NRG1: variants seen among roughly 807,000 people sequenced by gnomAD.
The protein encoded by NRG1 is neuregulin 1.
NRG1 carries 18 observed loss-of-function variants against 63.8 expected under a neutral mutation model. The observed-to-expected ratio is 0.28, with a 90% CI of 0.19 to 0.42. The LOEUF (loss-of-function observed/expected upper bound fraction) is 0.42. Ranked by LOEUF, NRG1 falls within the 10% of genes least tolerant of loss-of-function variation. The pLI is 1.00. For missense variants in NRG1, 762 were observed against 814.7 expected (o/e 0.94, Z 0.79); for synonymous variants, 302 against 301.3 (o/e 1.00, Z -0.02).
At chr8:32,278,088 T>C (rs1346536224) in intron 1 of NRG1, among the ~76,000 whole-genome samples, 7 of 152,216 alleles carry the variant, frequency 4.6e-5, no homozygotes, top group East Asian at 1.9e-4. Flanking sequence ...CCTATAAAAT[T>C]CTTGCACATT....
At chr8:31,928,252 G>A (rs1476556892) in intron 1 of NRG1, among the ~76,000 whole-genome samples, 1 of 149,248 alleles carries the variant, frequency 6.7e-6, no homozygotes, top group South Asian at 2.1e-4. Context: ...TAATCATGAG[G>A]GAAATGCAAA....
At chr8:32,089,088 G>A (rs1828714229) in intron 1 of NRG1, among the ~76,000 whole-genome samples, 1 of 152,178 alleles carries the variant, frequency 6.6e-6, no homozygotes, top group Admixed American at 6.5e-5. Flanking sequence ...GTGTGTGTTT[G>A]TGTCTGTGCT....
At position 32,233,563 on chromosome 8, in the gene NRG1, ATTTTTTTT is replaced by A. The variant is rs1554660617; in HGVS notation, c.38-362257_38-362250del. Among the ~76,000 whole-genome samples, 125 of 67,252 alleles carry A rather than the reference ATTTTTTTT, an allele frequency of 1.9e-3. 3 individuals carry two copies. Among genetic ancestry groups the A allele is most frequent in the African/African-American group, 9.6e-3 (123 of 12,754 alleles). 44.1% of individuals were successfully genotyped at this position (67,252 alleles called of 152,430 possible). ...TATATATATATATATATATATATATATTTTTTTTTTTTTTTCTTTTGAAACGGTGTCTC... is the reference window on the plus strand; with the variant it reads ...TATATATATATATATATATATATATATTTTTTTCTTTTGAAACGGTGTCTC... On this transcript the variant is annotated intron_variant, in intron 1 of 10. Transcript: ENST00000519301.
chr8:32,297,990 T>C (rs919129387), intron 1 of NRG1, among the ~76,000 whole-genome samples: 4 of 152,248 alleles, frequency 2.6e-5, no homozygotes, highest in East Asian at 3.8e-4. Context: ...TTTAAGTGAT[T>C]AGAACCCTTA....
chr8:32,296,034 C>T (rs563076588), intron 1 of NRG1, among the ~76,000 whole-genome samples: 68 of 151,108 alleles, frequency 4.5e-4, no homozygotes, highest in Non-Finnish European at 2.1e-4. Context: ...AGTACATGTA[C>T]ATTGAAATTA....
At chr8:32,226,465 A>C (rs1245903544) in intron 1 of NRG1, among the ~76,000 whole-genome samples, 1 of 152,078 alleles carries the variant, frequency 6.6e-6, no homozygotes, top group African/African-American at 2.4e-5. Flanking sequence ...TTTCAAGATG[A>C]GTGTTAAAGG....
chr8:31,720,873 C>T lies in NRG1; in HGVS notation c.37+81442C>T, dbSNP rs559793925. Among the ~76,000 whole-genome samples the T allele has an allele frequency of 2.6e-5, 4 of 152,236 alleles. No homozygotes were observed. The East Asian group carries it at 5.8e-4, about 22-fold the overall frequency. ...ATTATTCCTTGAACAATATTTTGCA[C>T]AGGAGTAAAGGAATGCTTCATGGAT... On this transcript the variant is annotated intron_variant, in intron 1 of 10. Coordinates refer to the NRG1 transcript ENST00000519301.
intron 1 of NRG1, among the ~76,000 whole-genome samples, chr8:32,076,742 A>G (rs1420275681): frequency 6.6e-6 from 1 of 151,976 alleles, no homozygotes; most frequent in Admixed American, 6.6e-5. Context: ...AAATTAAGTC[A>G]TGTAGATGCG....
At chr8:32,350,883 G>A (rs370963373) in intron 1 of NRG1, among the ~76,000 whole-genome samples, 26 of 152,188 alleles carry the variant, frequency 1.7e-4, no homozygotes, top group Middle Eastern at 3.4e-3. Flanking sequence ...CCAGATCAGC[G>A]CGGTGTCCAC....
intron 1 of NRG1, among the ~76,000 whole-genome samples, chr8:31,865,114 T>G (rs1828835600): frequency 6.6e-6 from 1 of 152,156 alleles, no homozygotes; most frequent in African/African-American, 2.4e-5. Context: ...CAGTAACTTT[T>G]GGCACCACTG....
At chr8:32,406,461 A>G (rs773515265) in intron 1 of NRG1, among the ~76,000 whole-genome samples, 1 of 152,162 alleles carries the variant, frequency 6.6e-6, no homozygotes, top group Non-Finnish European at 1.5e-5. Flanking sequence ...CTTAGTAAAA[A>G]CTAGGTATTT....
intron 1 of NRG1, among the ~76,000 whole-genome samples, chr8:31,741,165 A>G (rs1815231745): frequency 6.6e-6 from 1 of 151,992 alleles, no homozygotes; most frequent in Admixed American, 6.6e-5. Context: ...GGAGCCAAAC[A>G]CTGGCTATTC....
Position 31,640,457 on chromosome 8 carries a change from C to A in NRG1, c.37+1026C>A. On this transcript the variant is annotated intron_variant, in intron 1 of 10. Coordinates refer to the NRG1 transcript ENST00000519301. This position sits in a 1 kb window ranked among gnomAD's most constrained non-coding sequence, Gnocchi z 6.3. ...AGCGCCGGCGAGCCCGGGGAGGAGG[C>A]GCCCTATCTGGTGAAGGTGCACCAG... is the stretch of plus-strand genomic sequence containing the variant. 1.9e-6 allele frequency: 3 copies of A among 1,566,488 alleles called. No individual in the cohort carries two copies. Among genetic ancestry groups the A allele is most frequent in the Middle Eastern group, 1.9e-4 (1 of 5,226 alleles).
chr8:32,394,994 G>A (rs925878747), intron 1 of NRG1, among the ~76,000 whole-genome samples: 5 of 152,136 alleles, frequency 3.3e-5, no homozygotes, highest in African/African-American at 9.7e-5. Context: ...TAAGGAATGG[G>A]CTCTACAATT....
At chr8:32,707,246 GTAA>G (rs1380032731) in intron 5 of NRG1, among the ~76,000 whole-genome samples, 1 of 151,924 alleles carries the variant, frequency 6.6e-6, no homozygotes, top group Non-Finnish European at 1.5e-5. Context: ...ACATTGATGA[GTAA>G]TAATAACAAC....
intron 1 of NRG1, among the ~76,000 whole-genome samples, chr8:31,969,197 A>G (rs1217554431): frequency 6.6e-6 from 1 of 152,100 alleles, no homozygotes; most frequent in Admixed American, 6.6e-5. Flanking sequence ...TTTTTTAGTA[A>G]CTTCATATCG....
intron 1 of NRG1, among the ~76,000 whole-genome samples, chr8:32,320,513 G>A (rs1337874315): frequency 6.6e-6 from 1 of 152,188 alleles, no homozygotes; most frequent in African/African-American, 2.4e-5. Context: ...AGAAGGTGAA[G>A]AGGAAGAAGA....
chr8:32,420,870 A>C (rs1473619415), intron 1 of NRG1, among the ~76,000 whole-genome samples: 1 of 152,092 alleles, frequency 6.6e-6, no homozygotes, highest in Non-Finnish European at 1.5e-5. Context: ...GAATCATGGG[A>C]GCAGTTTTCC....
chr8:32,261,977 C>A (rs567883995), intron 1 of NRG1, among the ~76,000 whole-genome samples: 1 of 152,222 alleles, frequency 6.6e-6, no homozygotes, highest in South Asian at 2.1e-4. Context: ...GGCTTTGGAT[C>A]CAGATCGCCT....
Sources: allele counts gnomAD v4.1 joint callset (sites outside exome capture counted in the v4.1 genomes callset), GRCh38; gene constraint gnomAD v4.1.1; non-coding constraint Gnocchi (gnomAD v3.1); transcripts MANE v1.5; gene names NCBI Gene and HGNC (gene_info 2026-07-23, HGNC 2026-07-21).